HRH2: variants seen among roughly 807,000 people sequenced by gnomAD.
The protein encoded by HRH2 is histamine H2 receptor.
A neutral mutation model predicts 20.1 loss-of-function variants in HRH2; 4 were observed. That is an observed-to-expected ratio of 0.20 (90% CI 0.10 to 0.45). The LOEUF (loss-of-function observed/expected upper bound fraction) is 0.45, where lower values mean the gene tolerates loss of function less well. HRH2 is among the 20% of genes least tolerant of loss of function. The pLI is 0.99. For missense variants in HRH2, 250 were observed against 461.6 expected, an observed-to-expected ratio of 0.54 and a Z score of 4.20; for synonymous variants, 197 against 200.7, an observed-to-expected ratio of 0.98 and a Z score of 0.16.
chr5:175,693,940 T>C lies in HRH2; in HGVS notation c.1076+9631T>C, dbSNP rs530069417. Among the ~76,000 whole-genome samples, 146 of 152,346 alleles carry C rather than the reference T, an allele frequency of 9.6e-4. No individual in the cohort carries two copies. Among genetic ancestry groups the C allele is most frequent in the African/African-American group, 3.1e-3 (129 of 41,582 alleles). The stretch of plus-strand genomic sequence containing the variant: ...GCAAGCTGGGAAGCTATTTGTGACA[T>C]GGCAGTGGTCTGTTGCCAGAGCTCT... On this transcript the variant is annotated intron_variant, in intron 2 of 2. Coordinates refer to ENST00000636584, the MANE Select transcript of HRH2 (RefSeq NM_001367711.1). This position sits in a 1 kb window ranked among gnomAD's most constrained non-coding sequence, Gnocchi z 4.4.
At chr5:175,691,660 A>ACT (rs1756388085) in intron 2 of HRH2, among the ~76,000 whole-genome samples, 2 of 152,116 alleles carry the variant, frequency 1.3e-5, no homozygotes, top group Non-Finnish European at 2.9e-5. Context: ...AAGCAGGTGG[A>ACT]CCACCTAAGG....
At chr5:175,705,496 A>G (rs909875840) in intron 2 of HRH2, among the ~76,000 whole-genome samples, 1 of 152,268 alleles carries the variant, frequency 6.6e-6, no homozygotes, top group African/African-American at 2.4e-5. Flanking sequence ...TTTTTTAAAA[A>G]ATTATGGCAC....
rs1441939367 is a variant in HRH2 at position 175,695,414 on chromosome 5, C to T, written c.1076+11105C>T. Among the ~76,000 whole-genome samples, 5 of 152,310 alleles carry T rather than the reference C, an allele frequency of 3.3e-5. No homozygotes were observed. The East Asian group carries it at 7.7e-4, about 24-fold the overall frequency. ...ACAGTGTCCGGCACCCAGTGAGCCC[C>T]AGAGGTCACCAGCTCGCGCAGGAGT... On this transcript the variant is annotated intron_variant, in intron 2 of 2. Transcript: ENST00000636584.
intron 1 of HRH2, among the ~76,000 whole-genome samples, chr5:175,665,681 T>C (rs1455544674): frequency 6.6e-6 from 1 of 152,192 alleles, no homozygotes; most frequent in African/African-American, 2.4e-5. Context: ...GTCAGTCTGA[T>C]TGTCAAACAG....
Position 175,693,010 on chromosome 5 carries a change from G to T in HRH2, c.1076+8701G>T, listed in dbSNP as rs937011167. 1.1e-4 allele frequency among the ~76,000 whole-genome samples: 16 copies of T among 152,322 alleles called. No homozygotes were observed. In the East Asian group the frequency reaches 3.1e-3, roughly 29 times the overall value. ...GGCATAGGGCGGGACTGCAGAGAGA[G>T]CCCCAGCCATGGGGAGAGGAGACCA... On this transcript the variant is annotated intron_variant, in intron 2 of 2. Transcript: ENST00000636584. The surrounding 1 kb of genome is among the most constrained non-coding windows in gnomAD (Gnocchi z 4.4).
chr5:175,662,585 C>G (rs1030690187), intron 1 of HRH2, among the ~76,000 whole-genome samples: 1 of 152,194 alleles, frequency 6.6e-6, no homozygotes, highest in Non-Finnish European at 1.5e-5. Flanking sequence ...TATTGGCCAC[C>G]TGGCCTCCCT....
intron 2 of HRH2, among the ~76,000 whole-genome samples, chr5:175,684,526 G>A (rs1317784668): frequency 6.6e-6 from 1 of 152,236 alleles, no homozygotes; most frequent in Admixed American, 6.5e-5. Flanking sequence ...ATTCTCAGAG[G>A]ACTTGGCAAG....
In HRH2 at chr5:175,708,021, C is replaced by T. The variant is rs891093836; in HGVS notation, c.*50C>T. ...ACCGCTCCCGGTCCCCAAGATGTGACTCCTGGAGCTCCTAAGGACCCAGTC... is the reference window on the plus strand; with the variant it reads ...ACCGCTCCCGGTCCCCAAGATGTGATTCCTGGAGCTCCTAAGGACCCAGTC... On this transcript the variant is annotated 3_prime_UTR_variant, in exon 3 of 3. Transcript: ENST00000636584. The T allele has an allele frequency of 5.0e-6, 2 of 398,944 alleles. No homozygotes were observed. The highest frequency in any genetic ancestry group is 2.1e-5 in the African/African-American group (1 of 48,654). 24.7% of individuals were successfully genotyped at this position (398,944 alleles called of 1,614,324 possible).
In HRH2 at chr5:175,683,629, A is replaced by T. The variant is rs771795427; in HGVS notation, c.396A>T (p.Pro132=). Reference sequence around the variant, plus strand: ...TGCGGTACCCTGTGCTGGTCACCCCAGTTCGGGTCGCCATCTCTCTGGTCT... The same window carrying T: ...TGCGGTACCCTGTGCTGGTCACCCCTGTTCGGGTCGCCATCTCTCTGGTCT... ...DPLRYPVLVT[P]VRVAISLVLI... is the part of the protein sequence containing the mutation. The change falls in exon 2 of 3, where the codon CCA becomes CCT. Residue 132 remains proline, a synonymous_variant. Coordinates refer to ENST00000636584, the MANE Select transcript of HRH2 (RefSeq NM_001367711.1). 6.2e-7 allele frequency: 1 copy of T among 1,614,078 alleles called. No individual in the cohort carries two copies. Among genetic ancestry groups the T allele is most frequent in the South Asian group, 1.1e-5 (1 of 91,072 alleles).
At position 175,693,108 on chromosome 5, in the gene HRH2, C is replaced by A. The variant is rs990343223; in HGVS notation, c.1076+8799C>A. Among the ~76,000 whole-genome samples the A allele has an allele frequency of 1.3e-5, 2 of 152,190 alleles. No homozygotes were observed. Among genetic ancestry groups the A allele is most frequent in the African/African-American group, 4.8e-5 (2 of 41,450 alleles). ...GAGAGATCGCATCCCTCTCTGAGTC[C>A]CAATTTCCCCATCTGTAAAAGAGAG... is the stretch of plus-strand genomic sequence containing the variant. On this transcript the variant is annotated intron_variant, in intron 2 of 2. Transcript: ENST00000636584. The surrounding 1 kb of genome is among the most constrained non-coding windows in gnomAD (Gnocchi z 4.4).
In HRH2 at chr5:175,667,588, C is replaced by A. The variant is rs184786400; in HGVS notation, c.-526+9433C>A. 1.2e-3 allele frequency among the ~76,000 whole-genome samples: 187 copies of A among 152,252 alleles called. 1 individual carries two copies. Among genetic ancestry groups the A allele is most frequent in the Middle Eastern group, 3.4e-3 (1 of 294 alleles). On this transcript the variant is annotated intron_variant, in intron 1 of 2. Transcript: ENST00000636584. ...ATACATTTGGTTTTGGCTGTCCCCCCACATCCCCTGTAAGTTAACAGATTA... is the reference window on the plus strand; with the variant it reads ...ATACATTTGGTTTTGGCTGTCCCCCAACATCCCCTGTAAGTTAACAGATTA...
chr5:175,705,575 C>T (rs148104713), intron 2 of HRH2, among the ~76,000 whole-genome samples: 2 of 152,110 alleles, frequency 1.3e-5, no homozygotes, highest in Non-Finnish European at 2.9e-5. Flanking sequence ...TCAACTTATG[C>T]CCAATCTTTT....
At chr5:175,667,075 A>T (rs2113479392) in intron 1 of HRH2, among the ~76,000 whole-genome samples, 1 of 152,170 alleles carries the variant, frequency 6.6e-6, no homozygotes, top group African/African-American at 2.4e-5. Context: ...AATATATTAT[A>T]CATACTATTT....
At chr5:175,676,559 G>C (rs1755768583) in intron 1 of HRH2, among the ~76,000 whole-genome samples, 1 of 152,240 alleles carries the variant, frequency 6.6e-6, no homozygotes, top group Non-Finnish European at 1.5e-5. Context: ...CAAACTCCTA[G>C]CACATAATGG....
chr5:175,666,995 G>T (rs1762917141), intron 1 of HRH2, among the ~76,000 whole-genome samples: 1 of 150,722 alleles, frequency 6.6e-6, no homozygotes, highest in Non-Finnish European at 1.5e-5. Flanking sequence ...ATTCTCCCAG[G>T]TTTTCTTTTT....
chr5:175,705,639 C>G (rs561310700), intron 2 of HRH2, among the ~76,000 whole-genome samples: 1 of 151,852 alleles, frequency 6.6e-6, no homozygotes, highest in Non-Finnish European at 1.5e-5. Context: ...GACTACCTAC[C>G]CCTACAGGTA....
Position 175,708,101 on chromosome 5 carries a change from C to T in HRH2, c.*130C>T. 2.5e-6 allele frequency: 1 copy of T among 397,710 alleles called. No homozygotes were observed. The highest frequency in any genetic ancestry group is 4.4e-6 in the Non-Finnish European group (1 of 225,834). 24.6% of individuals were successfully genotyped at this position (397,710 alleles called of 1,614,324 possible). ...TGAATCTGGGGGCTCCCAGAACACA[C>T]AGCTGGGTGTGGGGTCCTCAGGCCT... On this transcript the variant is annotated 3_prime_UTR_variant, in exon 3 of 3. Coordinates refer to ENST00000636584, the MANE Select transcript of HRH2 (RefSeq NM_001367711.1).
chr5:175,691,573 C>T (rs1756385155), intron 2 of HRH2, among the ~76,000 whole-genome samples: 2 of 152,280 alleles, frequency 1.3e-5, no homozygotes, highest in South Asian at 2.1e-4. Context: ...ACTGCTAGTA[C>T]ATTTGTACCC....
rs141686142 is a variant in HRH2 at position 175,675,975 on chromosome 5, A to G, written c.-525-6734A>G. Among the ~76,000 whole-genome samples the G allele has an allele frequency of 8.8e-3, 1,333 of 152,302 alleles. 20 individuals are homozygous for G. Among genetic ancestry groups the G allele is most frequent in the African/African-American group, 0.03 (1,262 of 41,566 alleles). The stretch of plus-strand genomic sequence containing the variant: ...CGCCCTCCTGAGCCACTCCTTGACC[A>G]GTGTTAACATGTGTAGATGCGTGGG... On this transcript the variant is annotated intron_variant, in intron 1 of 2. Coordinates refer to ENST00000636584, the MANE Select transcript of HRH2 (RefSeq NM_001367711.1).
Sources: gnomAD v4.1 joint callset for allele counts (sites outside exome capture counted in the v4.1 genomes callset) on GRCh38, gnomAD v4.1.1 for gene constraint, Gnocchi (gnomAD v3.1) non-coding constraint, MANE v1.5 for transcripts, NCBI Gene and HGNC (gene_info 2026-07-23, HGNC 2026-07-21) for gene names.